PGAP4: variants seen among roughly 807,000 people sequenced by gnomAD.
The protein encoded by PGAP4 is post-GPI attachment to proteins GalNAc transferase 4.
PGAP4 carries 12 observed loss-of-function variants against 28.2 expected under a neutral mutation model. The observed-to-expected ratio is 0.42, with a 90% CI of 0.27 to 0.69. PGAP4 has a LOEUF of 0.69. Among genes scored for constraint, PGAP4 ranks in the 30% least tolerant of loss-of-function variants. The pLI is 0.22. For synonymous variants in PGAP4, 205 were observed against 211.8 expected (o/e 0.97, Z 0.28); for missense variants, 425 against 513.5 (o/e 0.83, Z 1.67).
At chr9:101,528,037 C>G (rs1198459771) in intron 2 of PGAP4, among the ~76,000 whole-genome samples, 1 of 152,160 alleles carries the variant, frequency 6.6e-6, no homozygotes, top group African/African-American at 2.4e-5. Context: ...AATCTGTACT[C>G]AGATTTGTAC....
At chr9:101,493,719 A>G (rs1017709417) in intron 2 of PGAP4, among the ~76,000 whole-genome samples, 2 of 152,158 alleles carry the variant, frequency 1.3e-5, no homozygotes, top group African/African-American at 2.4e-5. Flanking sequence ...TTTGATTTGT[A>G]CTTTGAATGT....
chr9:101,495,724 C>T (rs1040090114), intron 2 of PGAP4, among the ~76,000 whole-genome samples: 1 of 150,358 alleles, frequency 6.7e-6, no homozygotes, highest in South Asian at 2.1e-4. Context: ...ATCCATGTAG[C>T]TTTCTTTATT....
chr9:101,494,051 T>A (rs1164483889), intron 2 of PGAP4, among the ~76,000 whole-genome samples: 2 of 152,070 alleles, frequency 1.3e-5, no homozygotes, highest in South Asian at 2.1e-4. Flanking sequence ...AAAAACTGTT[T>A]GAGGCTTGGA....
chr9:101,483,283 G>A (rs1338708024), intron 1 of PGAP4, among the ~76,000 whole-genome samples: 1 of 152,128 alleles, frequency 6.6e-6, no homozygotes, highest in Non-Finnish European at 1.5e-5. Flanking sequence ...CAAAGAGCTG[G>A]TCATATACTG....
In PGAP4 at chr9:101,507,926, GAGAGCAGACCA is replaced by G. The variant is rs142502871; in HGVS notation, c.-164-18737_-164-18727del. Reference sequence around the variant, plus strand: ...TTCTAGCTGTGTCCAACATCTTTTTGAGAGCAGACCAATCTCTTATGAAATCCTTTTAATCT... The same window carrying G: ...TTCTAGCTGTGTCCAACATCTTTTTGATCTCTTATGAAATCCTTTTAATCT... On this transcript the variant is annotated intron_variant, in intron 2 of 3. Coordinates refer to the PGAP4 transcript ENST00000374851. Among the ~76,000 whole-genome samples, 733 of 152,168 alleles carry G rather than the reference GAGAGCAGACCA, an allele frequency of 4.8e-3. 6 individuals are homozygous for G. The highest frequency in any genetic ancestry group is 0.015 in the African/African-American group (636 of 41,540).
chr9:101,502,433 C>T (rs1038513911), intron 2 of PGAP4, among the ~76,000 whole-genome samples: 3 of 152,118 alleles, frequency 2.0e-5, no homozygotes, highest in African/African-American at 7.2e-5. Context: ...AAAGCTATGC[C>T]TCTGTGATTC....
rs573987057 is a variant in PGAP4, at chr9:101,483,986, A to C, written c.-78+2963T>G. 9.2e-4 allele frequency among the ~76,000 whole-genome samples: 140 copies of C among 152,318 alleles called. 1 individual carries two copies. In the Middle Eastern group the frequency reaches 0.031, roughly 33 times the overall value. On this transcript the variant is annotated intron_variant, in intron 1 of 1. Coordinates refer to ENST00000374848, the MANE Select transcript of PGAP4 (RefSeq NM_032342.3). The stretch of plus-strand genomic sequence containing the variant: ...CTTCGAGGGAGTGTCACAGTTCAAC[A>C]ACTAGGCACTTTAATATAAATTGGT...
chr9:101,503,409 G>T (rs920971963), intron 2 of PGAP4, among the ~76,000 whole-genome samples: 3 of 151,732 alleles, frequency 2.0e-5, no homozygotes, highest in African/African-American at 7.3e-5. Flanking sequence ...ATCCAATATG[G>T]ATTATGAAGA....
intron 2 of PGAP4, among the ~76,000 whole-genome samples, chr9:101,493,036 C>A (rs746143025): frequency 2.0e-5 from 3 of 151,900 alleles, no homozygotes; most frequent in Admixed American, 2.0e-4. Flanking sequence ...GGGCGGATCA[C>A]GAGATCAAGA....
At chr9:101,484,195 A>T (rs1826557217) in intron 1 of PGAP4, among the ~76,000 whole-genome samples, 1 of 152,048 alleles carries the variant, frequency 6.6e-6, no homozygotes, top group Non-Finnish European at 1.5e-5. Context: ...AAAAAGAGAA[A>T]GAGGGGCAGA....
chr9:101,478,494 A>G (rs977290750), intron 1 of PGAP4, among the ~76,000 whole-genome samples: 1 of 152,244 alleles, frequency 6.6e-6, no homozygotes, highest in African/African-American at 2.4e-5. Flanking sequence ...GAGCAGACTC[A>G]GCCAGTGCTC....
intron 2 of PGAP4, among the ~76,000 whole-genome samples, chr9:101,509,660 T>C (rs1392051350): frequency 1.3e-5 from 2 of 152,152 alleles, no homozygotes; most frequent in African/African-American, 4.8e-5. Context: ...TGGTTGATCA[T>C]TTTAATCACA....
At chr9:101,484,402 G>T (rs1264531777) in intron 1 of PGAP4, among the ~76,000 whole-genome samples, 1 of 152,178 alleles carries the variant, frequency 6.6e-6, no homozygotes, top group Non-Finnish European at 1.5e-5. Flanking sequence ...GTTAAGAAGA[G>T]AAAGGTTTAA....
intron 2 of PGAP4, among the ~76,000 whole-genome samples, chr9:101,509,770 C>A (rs911343851): frequency 6.6e-6 from 1 of 152,080 alleles, no homozygotes; most frequent in Non-Finnish European, 1.5e-5. Flanking sequence ...GTGCAGCTAG[C>A]AAGCATTTCT....
intron 2 of PGAP4, chr9:101,531,175 C>T (rs546043586): frequency 6.6e-6 from 1 of 150,494 alleles, no homozygotes; most frequent in Non-Finnish European, 1.5e-5. Flanking sequence ...GTCCCTCTCT[C>T]TCTTTCTCAA....
chr9:101,492,271 G>T (rs931481311), intron 2 of PGAP4, among the ~76,000 whole-genome samples: 19 of 151,628 alleles, frequency 1.3e-4, no homozygotes, highest in African/African-American at 4.6e-4. Context: ...TCGGCTCACT[G>T]CAACCTCTGC....
chr9:101,496,153 A>G (rs1217179677), intron 2 of PGAP4, among the ~76,000 whole-genome samples: 3 of 151,584 alleles, frequency 2.0e-5, no homozygotes, highest in Non-Finnish European at 3.0e-5. Context: ...GGAGGAAAAT[A>G]TTGTTTTTTT....
At position 101,486,237 on chromosome 9, in the gene PGAP4, T is replaced by C. The variant is rs935757703; in HGVS notation, c.-78+712A>G. On this transcript the variant is annotated intron_variant, in intron 1 of 1. Coordinates refer to ENST00000374848, the MANE Select transcript of PGAP4 (RefSeq NM_032342.3). This position sits in a 1 kb window ranked among gnomAD's most constrained non-coding sequence, Gnocchi z 4.7. ...GGGGGACGATGTCCAGGGCCCTGGA[T>C]CTAGTGTCTGTCGCTGACCTTGGGC... is the stretch of plus-strand genomic sequence containing the variant. Among the ~76,000 whole-genome samples the C allele has an allele frequency of 2.0e-5, 3 of 152,088 alleles. No homozygotes were observed. The highest frequency in any genetic ancestry group is 7.2e-5 in the African/African-American group (3 of 41,418).
At chr9:101,500,498 A>G (rs1372266765) in intron 2 of PGAP4, among the ~76,000 whole-genome samples, 2 of 151,474 alleles carry the variant, frequency 1.3e-5, no homozygotes, top group African/African-American at 2.4e-5. Context: ...CTGCATGTCA[A>G]TGTTCTTAAT....
Sources: gnomAD v4.1 joint callset for allele counts (sites outside exome capture counted in the v4.1 genomes callset) on GRCh38, gnomAD v4.1.1 for gene constraint, Gnocchi (gnomAD v3.1) non-coding constraint, MANE v1.5 for transcripts, NCBI Gene and HGNC (gene_info 2026-07-23, HGNC 2026-07-21) for gene names.